The following FRMD6 variants were observed in gnomAD, a reference collection of about 807,000 sequenced individuals.
FRMD6 encodes the protein FERM domain containing 6, also known as FERM domain-containing protein 6.
In FRMD6, 37 loss-of-function variants were observed where a neutral mutation model predicts 73.2. The ratio of observed to expected loss-of-function variants is 0.51; its 90% CI spans 0.39 to 0.66. The LOEUF (loss-of-function observed/expected upper bound fraction) is 0.66. FRMD6 is among the 30% of genes least tolerant of loss of function. FRMD6 has a pLI of 0.00. For synonymous variants in FRMD6, 273 were observed against 282.2 expected (o/e 0.97, Z 0.33); for missense variants, 714 against 780.5 (o/e 0.91, Z 1.02).
chr14:51,637,550 G>A (rs1240618721), intron 2 of FRMD6: 1 of 152,156 alleles, frequency 6.6e-6, no homozygotes, highest in East Asian at 1.9e-4. Context: ...AATAGTTGGG[G>A]GAGGGGGTAG....
rs1254711225 is a variant in FRMD6 at position 51,611,313 on chromosome 14, A to T, written c.-147+40903A>T. On this transcript the variant is annotated intron_variant, in intron 2 of 14. Coordinates refer to the FRMD6 transcript ENST00000356218. ...TTCAGAGTTCTCCCTAGTAGAAAGAATTCTGGCACTAAGGAGAGTGGCTGC... is the reference window on the plus strand; with the variant it reads ...TTCAGAGTTCTCCCTAGTAGAAAGATTTCTGGCACTAAGGAGAGTGGCTGC... Among the ~76,000 whole-genome samples, 7 of 152,342 alleles carry T rather than the reference A, an allele frequency of 4.6e-5. No homozygotes were observed. In the South Asian group the frequency reaches 1.5e-3, roughly 32 times the overall value.
chr14:51,538,167 G>A lies in FRMD6; in HGVS notation c.-209-32181G>A, dbSNP rs114229088. 3.3e-3 allele frequency among the ~76,000 whole-genome samples: 505 copies of A among 152,118 alleles called. 2 individuals carry two copies. Among genetic ancestry groups the A allele is most frequent in the African/African-American group, 0.012 (485 of 41,518 alleles). ...TACTTTCAGATTTATGATCCATCTC[G>A]AGTTAATTTTTGTGAAAGGTACAAA... On this transcript the variant is annotated intron_variant, in intron 1 of 14. Coordinates refer to the FRMD6 transcript ENST00000356218.
the FRMD6 span, among the ~76,000 whole-genome samples, chr14:51,481,469 C>T: frequency 1.3e-5 from 2 of 152,140 alleles, no homozygotes; most frequent in East Asian, 3.9e-4. Context: ...TTCAATTATC[C>T]CCCACTGGGT....
At chr14:51,648,658 G>A (rs10143355), upstream of FRMD6, among the ~76,000 whole-genome samples, 20,264 of 152,056 alleles carry the variant, frequency 0.13, 1,460 homozygotes, top group Middle Eastern at 0.21. Flanking sequence ...TTCTTCCTGC[G>A]TATCTCTACC....
intron 9 of FRMD6, chr14:51,714,677 TTAGC>T (rs1320436477): frequency 6.6e-6 from 1 of 152,252 alleles, no homozygotes; most frequent in Admixed American, 6.5e-5. Context: ...CTCTCTATGT[TTAGC>T]TAGGGAAGTT....
intron 12 of FRMD6, 47 bp downstream of exon 12, chr14:51,722,127 G>C: frequency 6.2e-7 from 1 of 1,606,772 alleles, no homozygotes; most frequent in African/African-American, 1.3e-5. Context: ...AGGTTATCCA[G>C]GACTGAAAAA....
intron 1 of FRMD6, among the ~76,000 whole-genome samples, chr14:51,665,717 C>T (rs745964077): frequency 2.6e-5 from 4 of 152,192 alleles, no homozygotes; most frequent in Non-Finnish European, 5.9e-5. Context: ...GAATTTAACT[C>T]CAAGAATTCC....
intron 1 of FRMD6, among the ~76,000 whole-genome samples, chr14:51,529,226 T>G (rs1046529023): frequency 1.3e-5 from 2 of 152,266 alleles, no homozygotes; most frequent in Non-Finnish European, 1.5e-5. Context: ...GCTTAAATCC[T>G]AGTTGTACTT....
At chr14:51,414,320 TA>T in the FRMD6 span, among the ~76,000 whole-genome samples, 4 of 152,362 alleles carry the variant, frequency 2.6e-5, no homozygotes, top group African/African-American at 7.2e-5. Context: ...CATCTTGAAT[TA>T]ATTTTTGTAT....
chr14:51,496,452 C>G (rs970979023), intron 1 of FRMD6, among the ~76,000 whole-genome samples: 11 of 152,174 alleles, frequency 7.2e-5, no homozygotes, highest in African/African-American at 2.7e-4. Context: ...GGGCGTCACT[C>G]CCATGTCTGG....
At chr14:51,638,443 C>G (rs766156795) in intron 2 of FRMD6, among the ~76,000 whole-genome samples, 1 of 152,170 alleles carries the variant, frequency 6.6e-6, no homozygotes, top group Non-Finnish European at 1.5e-5. Context: ...TGTTCACATT[C>G]CTCCTGGAGA....
At chr14:51,397,267 C>T in the FRMD6 span, 54 of 152,398 alleles carry the variant, frequency 3.5e-4, no homozygotes, top group African/African-American at 1.1e-3. Context: ...GAGGCCAGGA[C>T]GCATGCCCAG....
At chr14:51,433,524 A>T in the FRMD6 span, among the ~76,000 whole-genome samples, 1 of 152,238 alleles carries the variant, frequency 6.6e-6, no homozygotes, top group Non-Finnish European at 1.5e-5. Flanking sequence ...ATATCTGCTC[A>T]TTTGTGCCTA....
chr14:51,474,123 C>A, the FRMD6 span, among the ~76,000 whole-genome samples: 2 of 152,236 alleles, frequency 1.3e-5, no homozygotes, highest in Non-Finnish European at 2.9e-5. Context: ...AGATCTCTCT[C>A]TATCCAGAGC....
chr14:51,442,121 A>G, the FRMD6 span, among the ~76,000 whole-genome samples: 2 of 152,176 alleles, frequency 1.3e-5, no homozygotes, highest in African/African-American at 4.8e-5. Flanking sequence ...AGCACATTAA[A>G]TGTTTCTCAT....
At chr14:51,548,938 G>A (rs1886628213) in intron 1 of FRMD6, among the ~76,000 whole-genome samples, 3 of 152,154 alleles carry the variant, frequency 2.0e-5, no homozygotes, top group South Asian at 2.1e-4. Context: ...GGACCAAGGC[G>A]ATTGGCATTC....
the FRMD6 span, among the ~76,000 whole-genome samples, chr14:51,400,724 CAT>C: frequency 6.6e-6 from 1 of 152,156 alleles, no homozygotes; most frequent in Non-Finnish European, 1.5e-5. Context: ...TGGGAATAAA[CAT>C]GTGTGGGTTA....
intron 2 of FRMD6, among the ~76,000 whole-genome samples, chr14:51,628,800 CAA>C (rs764713119): frequency 1.9e-5 from 1 of 52,324 alleles, no homozygotes; most frequent in Non-Finnish European, 3.4e-5. Flanking sequence ...GACTCTGTCT[CAA>C]AAAAAAAAAA....
At chr14:51,582,296 G>C (rs1302226845) in intron 2 of FRMD6, among the ~76,000 whole-genome samples, 1 of 152,180 alleles carries the variant, frequency 6.6e-6, no homozygotes, top group Non-Finnish European at 1.5e-5. Context: ...CAGGATGAGA[G>C]CAATGACCTT....
Sources: allele counts gnomAD v4.1 joint callset (sites outside exome capture counted in the v4.1 genomes callset), GRCh38; gene constraint gnomAD v4.1.1; transcripts MANE v1.5; gene names NCBI Gene and HGNC (gene_info 2026-07-23, HGNC 2026-07-21).